APBB2: variants seen among roughly 807,000 people sequenced by gnomAD.
APBB2 encodes the protein Fe65-like 1.
In APBB2, 38 loss-of-function variants were observed where a neutral mutation model predicts 82.5. The ratio of observed to expected loss-of-function variants is 0.46; its 90% CI spans 0.36 to 0.60. The LOEUF is 0.60. Among genes scored for constraint, APBB2 ranks in the 20% least tolerant of loss-of-function variants. The probability of loss-of-function intolerance (pLI) is 0.00; values close to 1 mark genes in which losing one functional copy is unlikely to be tolerated. For missense variants in APBB2, 772 were observed against 972.3 expected (o/e 0.79, Z 2.74); for synonymous variants, 341 against 368.2 (o/e 0.93, Z 0.85).
chr4:41,070,711 C>T (rs541270999), intron 3 of APBB2, among the ~76,000 whole-genome samples: 3 of 152,228 alleles, frequency 2.0e-5, no homozygotes, highest in East Asian at 1.9e-4. Flanking sequence ...GTATGTACCA[C>T]GTGACATTTT....
rs1553875175 is a variant in APBB2 at position 40,946,254 on chromosome 4, A to AC, written c.836-1182dup. ...CTCCAAAAAAAAAAAAAAAAAAAAA[A>AC]CATTCCCAAGGAAAGCAGATTGGAA... On this transcript the variant is annotated intron_variant, in intron 6 of 17. Coordinates refer to ENST00000508593, the MANE Select transcript of APBB2 (RefSeq NM_004307.2). 1.2e-3 allele frequency among the ~76,000 whole-genome samples: 133 copies of AC among 114,604 alleles called. 6 individuals carry two copies. Among genetic ancestry groups the AC allele is most frequent in the African/African-American group, 1.4e-3 (41 of 30,330 alleles). The allele number at this position is 114,604 out of a possible 152,430, so 75.2% of individuals were successfully genotyped here.
At chr4:40,861,006 G>C (rs1453162330) in intron 12 of APBB2, among the ~76,000 whole-genome samples, 1 of 152,122 alleles carries the variant, frequency 6.6e-6, no homozygotes, top group Non-Finnish European at 1.5e-5. Context: ...GTAATAAAAT[G>C]TATTTCTGAC....
intron 6 of APBB2, among the ~76,000 whole-genome samples, chr4:41,009,373 T>C (rs1807682628): frequency 1.3e-5 from 2 of 152,138 alleles, no homozygotes; most frequent in Admixed American, 6.5e-5. Context: ...CTTTTTCAAA[T>C]AGCCTCTTGT....
At chr4:41,175,614 A>T (rs1769549353) in intron 1 of APBB2, among the ~76,000 whole-genome samples, 1 of 152,174 alleles carries the variant, frequency 6.6e-6, no homozygotes, top group Non-Finnish European at 1.5e-5. Context: ...TTGTTCTTAC[A>T]ATTTAAATAT....
chr4:40,859,211 T>C (rs1348572313), intron 12 of APBB2, among the ~76,000 whole-genome samples: 1 of 151,898 alleles, frequency 6.6e-6, no homozygotes, highest in African/African-American at 2.4e-5. Flanking sequence ...TCCTGCTCTC[T>C]CCAACTTGCC....
At chr4:40,965,213 T>C (rs1794390265) in intron 6 of APBB2, among the ~76,000 whole-genome samples, 1 of 151,862 alleles carries the variant, frequency 6.6e-6, no homozygotes, top group South Asian at 2.1e-4. Context: ...GTAAGTCCAT[T>C]AAATAAGAGG....
At chr4:40,968,267 C>T (rs1795139697) in intron 6 of APBB2, among the ~76,000 whole-genome samples, 1 of 152,130 alleles carries the variant, frequency 6.6e-6, no homozygotes, top group Non-Finnish European at 1.5e-5. Flanking sequence ...TTCCTGAGTA[C>T]CTATTAGTCA....
At chr4:41,110,114 C>G (rs1410891985) in intron 2 of APBB2, among the ~76,000 whole-genome samples, 3 of 152,160 alleles carry the variant, frequency 2.0e-5, no homozygotes, top group African/African-American at 4.8e-5. Context: ...AATTTACAGC[C>G]CCCATCCCTG....
intron 2 of APBB2, among the ~76,000 whole-genome samples, chr4:41,132,160 T>TA (rs1052804637): frequency 2.0e-5 from 3 of 151,670 alleles, no homozygotes; most frequent in African/African-American, 4.8e-5. Flanking sequence ...ATCTACATTG[T>TA]AAAAAAAAAT....
chr4:41,033,992 C>T (rs1273347311), intron 4 of APBB2, among the ~76,000 whole-genome samples: 1 of 152,066 alleles, frequency 6.6e-6, no homozygotes, highest in Non-Finnish European at 1.5e-5. Context: ...CAGATAATAC[C>T]ACAATCTAAG....
At position 40,816,134 on chromosome 4, in the gene APBB2, A is replaced by T; in HGVS notation, c.2238T>A (p.Ile746=). 1 of 1,614,108 alleles carries T rather than the reference A, an allele frequency of 6.2e-7. No individual in the cohort carries two copies. Among genetic ancestry groups the T allele is most frequent in the Non-Finnish European group, 8.5e-7 (1 of 1,180,022 alleles). ...CAGGGCGTTTCTGTTTCAAAGTGTCAATGAGGGATAAGACCCCTCGTTTTA... is the reference window on the plus strand; with the variant it reads ...CAGGGCGTTTCTGTTTCAAAGTGTCTATGAGGGATAAGACCCCTCGTTTTA... ...TNVKRGVLSL[I]DTLKQKRPVT... is the part of the protein sequence containing the mutation. The change falls in exon 18 of 18, where the codon ATT becomes ATA. Residue 746 remains isoleucine, a synonymous_variant. Transcript: ENST00000508593.
intron 2 of APBB2, among the ~76,000 whole-genome samples, chr4:41,129,748 T>A (rs1755442219): frequency 6.6e-6 from 1 of 152,038 alleles, no homozygotes; most frequent in South Asian, 2.1e-4. Context: ...CAGGGATGTA[T>A]CAGTGAACAA....
chr4:41,117,044 T>A (rs1580174149), intron 2 of APBB2, among the ~76,000 whole-genome samples: 1 of 152,144 alleles, frequency 6.6e-6, no homozygotes, highest in South Asian at 2.1e-4. Flanking sequence ...CCATCACAAA[T>A]GTTGCCCTCT....
chr4:40,880,513 T>A, intron 12 of APBB2: 1 of 985,470 alleles, frequency 1.0e-6, no homozygotes, highest in Non-Finnish European at 1.2e-6. Flanking sequence ...TGGGTTATCA[T>A]GGTTATGACT....
chr4:41,091,136 TG>T (rs1579954143), intron 3 of APBB2, among the ~76,000 whole-genome samples: 1 of 152,216 alleles, frequency 6.6e-6, no homozygotes, highest in African/African-American at 2.4e-5. Flanking sequence ...CCCCTTGCTT[TG>T]GTATTTTATT....
intron 1 of APBB2, among the ~76,000 whole-genome samples, chr4:41,194,799 T>C: frequency 6.6e-6 from 1 of 152,224 alleles, no homozygotes; most frequent in African/African-American, 2.4e-5. Context: ...CAATTCTGTA[T>C]ATTGAAGTAA....
At chr4:40,851,316 C>A (rs1401976340) in intron 12 of APBB2, among the ~76,000 whole-genome samples, 3 of 152,180 alleles carry the variant, frequency 2.0e-5, no homozygotes, top group African/African-American at 7.2e-5. Flanking sequence ...TTAAATCTTA[C>A]ACGGATGCCC....
chr4:40,974,850 G>A (rs191263213), intron 6 of APBB2, among the ~76,000 whole-genome samples: 19 of 152,294 alleles, frequency 1.2e-4, no homozygotes, highest in Admixed American at 1.1e-3. Flanking sequence ...TACAAATGCC[G>A]AGGGGCATGT....
intron 1 of APBB2, among the ~76,000 whole-genome samples, chr4:41,146,344 A>AAC (rs1553964154): frequency 8.7e-5 from 13 of 149,256 alleles, no homozygotes; most frequent in African/African-American, 3.0e-4. Context: ...AAAAAAAAAA[A>AAC]AAAACCCGGG....
Sources: gnomAD v4.1 joint callset for allele counts (sites outside exome capture counted in the v4.1 genomes callset) on GRCh38, gnomAD v4.1.1 for gene constraint, MANE v1.5 for transcripts, NCBI Gene and HGNC (gene_info 2026-07-23, HGNC 2026-07-21) for gene names.